ZMYND11: variants seen among roughly 807,000 people sequenced by gnomAD.
ZMYND11 encodes the protein zinc finger MYND-type containing 11.
A neutral mutation model predicts 84.9 loss-of-function variants in ZMYND11; 9 were observed. That is an observed-to-expected ratio of 0.11 (90% confidence interval 0.06 to 0.18). The LOEUF (loss-of-function observed/expected upper bound fraction) is 0.18, where lower values mean the gene tolerates loss of function less well. ZMYND11 is among the 10% of genes least tolerant of loss of function. The pLI is 1.00. For synonymous variants in ZMYND11, 250 were observed against 244.1 expected, an observed-to-expected ratio of 1.02 and a Z score of -0.23; for missense variants, 409 against 761.0, an observed-to-expected ratio of 0.54 and a Z score of 5.44.
At chr10:138,743 A>C (rs1340241029) in intron 1 of ZMYND11, among the ~76,000 whole-genome samples, 3 of 145,296 alleles carry the variant, frequency 2.1e-5, no homozygotes, top group Non-Finnish European at 3.0e-5. Context: ...AGCAAAGAGG[A>C]TGTATCTTGG....
intron 6 of ZMYND11, among the ~76,000 whole-genome samples, chr10:239,152 A>G (rs1209833865): frequency 6.6e-6 from 1 of 152,182 alleles, no homozygotes; most frequent in Non-Finnish European, 1.5e-5. Flanking sequence ...AGCTTTCTAC[A>G]TTATTGTCAA....
chr10:153,060 A>T (rs1554757590), intron 1 of ZMYND11, among the ~76,000 whole-genome samples: 1 of 152,204 alleles, frequency 6.6e-6, no homozygotes. Flanking sequence ...AACAGATTGA[A>T]AATTCCTATT....
chr10:135,302 G>A (rs1431349838), upstream of ZMYND11: 1 of 151,142 alleles, frequency 6.6e-6, no homozygotes, highest in African/African-American at 2.4e-5. The surrounding 1 kb of genome is among the most constrained non-coding windows in gnomAD (Gnocchi z 5.6). Flanking sequence ...CGTTCTCTGA[G>A]GTGGAGTATT....
At chr10:229,674 G>T (rs960147215) in intron 4 of ZMYND11, among the ~76,000 whole-genome samples, 2 of 152,114 alleles carry the variant, frequency 1.3e-5, no homozygotes, top group Non-Finnish European at 2.9e-5. Context: ...TGAAAAAACC[G>T]AACAGGAGTG....
chr10:130,840 C>T (rs187310288), upstream of ZMYND11, among the ~76,000 whole-genome samples: 349 of 151,998 alleles, frequency 2.3e-3, 2 homozygotes, highest in African/African-American at 7.8e-3. Context: ...GAGTCGGGGC[C>T]GGGCACGGTG....
chr10:235,794 G>C (rs1589164034), intron 4 of ZMYND11, among the ~76,000 whole-genome samples: 1 of 152,248 alleles, frequency 6.6e-6, no homozygotes, highest in South Asian at 2.1e-4. Flanking sequence ...GTGCAGACAT[G>C]AGGTAAATGA....
chr10:134,235 AG>A (rs1554750923), upstream of ZMYND11, among the ~76,000 whole-genome samples: 1 of 152,206 alleles, frequency 6.6e-6, no homozygotes, highest in African/African-American at 2.4e-5. Flanking sequence ...CTGTAGTAAA[AG>A]TTATGAGAAT....
chr10:144,017 A>C (rs1191791357), intron 1 of ZMYND11, among the ~76,000 whole-genome samples: 10 of 151,806 alleles, frequency 6.6e-5, no homozygotes, highest in Non-Finnish European at 1.5e-4. Context: ...TAAAAAAAAA[A>C]AAAACTGCCA....
At chr10:157,911 T>A (rs1842071476) in intron 1 of ZMYND11, among the ~76,000 whole-genome samples, 1 of 152,226 alleles carries the variant, frequency 6.6e-6, no homozygotes, top group Non-Finnish European at 1.5e-5. Flanking sequence ...CCTTCCAGTT[T>A]TTCTGTGTAT....
At chr10:199,378 T>A (rs371794937) in intron 2 of ZMYND11, among the ~76,000 whole-genome samples, 2 of 150,452 alleles carry the variant, frequency 1.3e-5, no homozygotes, top group East Asian at 4.0e-4. Context: ...TGTACGTATG[T>A]ATATGCATAT....
intron 2 of ZMYND11, among the ~76,000 whole-genome samples, chr10:193,038 T>C (rs1244413385): frequency 6.6e-6 from 1 of 152,254 alleles, no homozygotes. Context: ...TTTTAAGTTT[T>C]GAAATGATTG....
At chr10:249,350 TTA>T in intron 14 of ZMYND11, 1 of 1,209,722 alleles carries the variant, frequency 8.3e-7, no homozygotes, top group Non-Finnish European at 1.0e-6. Context: ...TACAATTAAC[TTA>T]TATAATTTCT....
intron 1 of ZMYND11, chr10:148,299 C>T (rs112414220): frequency 5.3e-4 from 68 of 127,674 alleles, no homozygotes; most frequent in African/African-American, 1.2e-3. Flanking sequence ...GGAAGAAGTC[C>T]TAACTTCCTT....
At chr10:182,862 G>C (rs898326585) in intron 2 of ZMYND11, among the ~76,000 whole-genome samples, 1 of 152,008 alleles carries the variant, frequency 6.6e-6, no homozygotes, top group East Asian at 1.9e-4. Context: ...CTGTACTCTC[G>C]GTAGGTAAAT....
chr10:210,744 A>G (rs144429173), intron 3 of ZMYND11, among the ~76,000 whole-genome samples: 2 of 152,296 alleles, frequency 1.3e-5, no homozygotes, highest in East Asian at 3.9e-4. Context: ...TTTCTTACGT[A>G]AAGATTGATT....
At chr10:249,164 G>C in intron 14 of ZMYND11, 76 bp downstream of exon 14, 1 of 1,595,540 alleles carries the variant, frequency 6.3e-7, no homozygotes, top group Non-Finnish European at 8.5e-7. Context: ...TCAGAAGGTA[G>C]CTGTGGCACA....
chr10:191,501 C>T lies in ZMYND11; in HGVS notation c.116+11373C>T, dbSNP rs565765330. Among the ~76,000 whole-genome samples, 54 of 152,232 alleles carry T rather than the reference C, an allele frequency of 3.5e-4. No homozygotes were observed. In the South Asian group the frequency reaches 1.0e-2, roughly 28 times the overall value. On this transcript the variant is annotated intron_variant, in intron 2 of 14. Coordinates refer to ENST00000381604, the MANE Select transcript of ZMYND11 (RefSeq NM_001370100.5). ...AGGGTAAATTATTTATCCCAGGTCA[C>T]GTGTTGGAATTGGGAAGAACCAAGT...
At chr10:173,582 G>A (rs1279281176) in intron 1 of ZMYND11, among the ~76,000 whole-genome samples, 1 of 152,056 alleles carries the variant, frequency 6.6e-6, no homozygotes, top group Non-Finnish European at 1.5e-5. Flanking sequence ...CATGAGCAGG[G>A]CATGGTGGTG....
chr10:188,591 C>CA lies in ZMYND11; in HGVS notation c.116+8482dup, dbSNP rs57541654. Among the ~76,000 whole-genome samples the CA allele has an allele frequency of 2.4e-4, 29 of 120,092 alleles. 1 individual carries two copies. Among genetic ancestry groups the CA allele is most frequent in the Admixed American group, 5.9e-4 (7 of 11,838 alleles). 78.8% of individuals were successfully genotyped at this position (120,092 alleles called of 152,430 possible). The stretch of plus-strand genomic sequence containing the variant: ...TGGGCAACAGAGTGAGACCCTGTCT[C>CA]AAAAAAAAAAAAAAAAAAATTTCCC... On this transcript the variant is annotated intron_variant, in intron 2 of 14. Transcript: ENST00000381604.
Sources: allele counts gnomAD v4.1 joint callset (sites outside exome capture counted in the v4.1 genomes callset), GRCh38; gene constraint gnomAD v4.1.1; non-coding constraint Gnocchi (gnomAD v3.1); transcripts MANE v1.5; gene names NCBI Gene and HGNC (gene_info 2026-07-23, HGNC 2026-07-21).